FRMD4A: variants seen among roughly 807,000 people sequenced by gnomAD.
The protein encoded by FRMD4A is FERM domain containing 4A.
A neutral mutation model predicts 129.1 loss-of-function variants in FRMD4A; 29 were observed. The observed-to-expected ratio is 0.22, with a 90% CI of 0.17 to 0.31. FRMD4A has a LOEUF of 0.31. FRMD4A is among the 10% of genes least tolerant of loss of function. The pLI is 1.00. For synonymous variants in FRMD4A, 634 were observed against 571.6 expected, an observed-to-expected ratio of 1.11 and a Z score of -1.56; for missense variants, 1,272 against 1,375.8, an observed-to-expected ratio of 0.92 and a Z score of 1.19.
intron 2 of FRMD4A, among the ~76,000 whole-genome samples, chr10:14,211,291 A>T (rs1199176237): frequency 6.6e-6 from 1 of 152,172 alleles, no homozygotes; most frequent in African/African-American, 2.4e-5. Context: ...ATAATCCCCA[A>T]TGAACAGGTA....
chr10:13,959,467 TTCATAAA>T, intron 2 of FRMD4A, among the ~76,000 whole-genome samples: 1 of 85,438 alleles, frequency 1.2e-5, no homozygotes, highest in Non-Finnish European at 2.0e-5. Flanking sequence ...GCAAGACTGT[TTCATAAA>T]AAAAAAAAAA....
intron 2 of FRMD4A, among the ~76,000 whole-genome samples, chr10:14,320,275 G>C (rs1433874164): frequency 6.6e-6 from 1 of 152,130 alleles, no homozygotes; most frequent in East Asian, 1.9e-4. Flanking sequence ...GCCCCCAAGA[G>C]CATTTGCAAT....
intron 2 of FRMD4A, among the ~76,000 whole-genome samples, chr10:14,107,929 T>A (rs1453850798): frequency 6.6e-6 from 1 of 152,212 alleles, no homozygotes; most frequent in Non-Finnish European, 1.5e-5. Context: ...TAGGAATAAG[T>A]GTTTTTGTAT....
chr10:13,719,691 G>A (rs745454916), intron 12 of FRMD4A, among the ~76,000 whole-genome samples: 2 of 152,156 alleles, frequency 1.3e-5, no homozygotes, highest in African/African-American at 4.8e-5. Context: ...CTAAGTATTG[G>A]CTGGTTCAGC....
chr10:14,105,693 G>A lies in FRMD4A; in HGVS notation c.45+224365C>T, dbSNP rs11258870. Among the ~76,000 whole-genome samples, 1,218 of 152,222 alleles carry A rather than the reference G, an allele frequency of 8.0e-3. 12 individuals are homozygous for A. The highest frequency in any genetic ancestry group is 0.028 in the African/African-American group (1,160 of 41,526). ...TTTGTTTGAAGCAGGTTCCAGATAA[G>A]GTCCATAAATAGTGATTGACTGGTA... is the stretch of plus-strand genomic sequence containing the variant. On this transcript the variant is annotated intron_variant, in intron 2 of 24. Transcript: ENST00000357447.
chr10:14,025,691 C>A (rs1378427470), intron 2 of FRMD4A, among the ~76,000 whole-genome samples: 4 of 152,194 alleles, frequency 2.6e-5, no homozygotes, highest in Admixed American at 6.5e-5. Flanking sequence ...CTCCATTTCT[C>A]CCCTCCCACA....
At chr10:13,884,150 ACACTCTCACACACACACT>A (rs1564970696) in intron 2 of FRMD4A, among the ~76,000 whole-genome samples, 6 of 20,928 alleles carry the variant, frequency 2.9e-4, no homozygotes, top group African/African-American at 6.4e-4. Flanking sequence ...ACACTCTCAC[ACACTCTCACACACACACT>A]CACACACTCA....
At chr10:14,060,095 T>C (rs759297257) in intron 2 of FRMD4A, among the ~76,000 whole-genome samples, 9 of 152,250 alleles carry the variant, frequency 5.9e-5, no homozygotes, top group Non-Finnish European at 1.2e-4. Flanking sequence ...TGGCGTTTAT[T>C]GCATCCTCCT....
chr10:13,812,461 A>C (rs1175401216), intron 3 of FRMD4A, among the ~76,000 whole-genome samples: 22 of 152,214 alleles, frequency 1.4e-4, no homozygotes, highest in Non-Finnish European at 2.9e-5. Context: ...CTGATATTGA[A>C]ATGACTGTTT....
At chr10:13,854,872 A>C (rs2094192378) in intron 3 of FRMD4A, among the ~76,000 whole-genome samples, 1 of 152,196 alleles carries the variant, frequency 6.6e-6, no homozygotes, top group African/African-American at 2.4e-5. Context: ...GGCTGCAGGC[A>C]TGCTCTGGGG....
intron 2 of FRMD4A, among the ~76,000 whole-genome samples, chr10:13,925,869 C>T (rs181327976): frequency 2.8e-4 from 40 of 144,132 alleles, no homozygotes; most frequent in African/African-American, 1.0e-3. Context: ...AGGGGTGAGC[C>T]ACTGCACCTG....
intron 11 of FRMD4A, 60 bp downstream of exon 11, chr10:13,740,134 A>G: frequency 2.2e-6 from 2 of 902,306 alleles, no homozygotes; most frequent in Non-Finnish European, 3.7e-6. Context: ...ATATAACGAG[A>G]TGTTTTGATT....
chr10:14,329,988 C>CA, intron 2 of FRMD4A, 70 bp downstream of exon 2: 4 of 1,414,154 alleles, frequency 2.8e-6, no homozygotes, highest in Non-Finnish European at 3.9e-6. Flanking sequence ...GCAGCGGCAG[C>CA]AGCAGCCCAC....
At chr10:13,729,436 C>G (rs1426953489) in intron 12 of FRMD4A, 2 of 152,208 alleles carry the variant, frequency 1.3e-5, no homozygotes, top group Non-Finnish European at 2.9e-5. Context: ...GCGCACTCGG[C>G]AGAACGTACA....
chr10:14,087,227 T>A (rs997111156), intron 2 of FRMD4A, among the ~76,000 whole-genome samples: 11 of 147,698 alleles, frequency 7.4e-5, no homozygotes, highest in African/African-American at 2.7e-4. Flanking sequence ...ATAAATTATA[T>A]ATTAATTATA....
chr10:14,115,939 C>G lies in FRMD4A; in HGVS notation c.45+214119G>C, dbSNP rs185753186. Among the ~76,000 whole-genome samples, 3 of 152,350 alleles carry G rather than the reference C, an allele frequency of 2.0e-5. No homozygotes were observed. In the East Asian group the frequency reaches 5.8e-4, roughly 29 times the overall value. On this transcript the variant is annotated intron_variant, in intron 2 of 24. Transcript: ENST00000357447. ...ACTGAGCTCCTTGGAAGCCCACACC[C>G]TTAACTATCAGCATTGCTGGCTGTA...
chr10:13,691,681 C>T (rs910788380), intron 15 of FRMD4A, among the ~76,000 whole-genome samples: 11 of 152,104 alleles, frequency 7.2e-5, no homozygotes, highest in Non-Finnish European at 1.2e-4. Context: ...CGATGCACGC[C>T]GAAGTTTGAG....
chr10:14,267,917 T>C (rs191457146), intron 2 of FRMD4A, among the ~76,000 whole-genome samples: 1 of 152,336 alleles, frequency 6.6e-6, no homozygotes, highest in East Asian at 1.9e-4. Context: ...AATGTTAGAA[T>C]ACAGCCTAAC....
chr10:13,804,468 T>G (rs1183766873), intron 4 of FRMD4A, among the ~76,000 whole-genome samples: 1 of 152,128 alleles, frequency 6.6e-6, no homozygotes, highest in African/African-American at 2.4e-5. Context: ...CTCGCTCCCG[T>G]GCACCAGCCT....
Sources: gnomAD v4.1 joint callset for allele counts (sites outside exome capture counted in the v4.1 genomes callset) on GRCh38, gnomAD v4.1.1 for gene constraint, MANE v1.5 for transcripts, NCBI Gene and HGNC (gene_info 2026-07-23, HGNC 2026-07-21) for gene names.